Variants in SMC5 observed in about 807,000 individuals in gnomAD.
SMC5 encodes structural maintenance of chromosomes 5, also known as structural maintenance of chromosomes protein 5.
SMC5 carries 88 observed loss-of-function variants against 148.3 expected under a neutral mutation model. That is an observed-to-expected ratio of 0.59 (90% CI 0.50 to 0.71). SMC5 has a LOEUF of 0.71. Ranked by LOEUF, SMC5 falls within the 30% of genes least tolerant of loss-of-function variation. SMC5 has a pLI of 0.00. For synonymous variants in SMC5, 421 were observed against 432.8 expected, an observed-to-expected ratio of 0.97 and a Z score of 0.34; for missense variants, 1,142 against 1,298.9, an observed-to-expected ratio of 0.88 and a Z score of 1.86.
rs1344863756 is a variant in SMC5, at chr9:70,258,993, GGGGCGCCTGGGTGGATGGGCGCTT to G, written c.-74_-51del. 6.4e-4 allele frequency: 919 copies of G among 1,434,454 alleles called. 1 individual carries two copies. Among genetic ancestry groups the G allele is most frequent in the Non-Finnish European group, 7.0e-4 (753 of 1,083,172 alleles). The allele number at this position is 1,434,454 out of a possible 1,614,324, so 88.9% of individuals were successfully genotyped here. On this transcript the variant is annotated 5_prime_UTR_variant, in exon 1 of 25. The change abolishes an upstream ATG in the 5' untranslated region. Transcript: ENST00000361138. ...AGTTCGCGGCAGTTCGCGCGGGAGC[GGGGCGCCTGGGTGGATGGGCGCTT>G]GGGCGCCTGGGCTGCCGGACGGTGG...
intron 8 of SMC5, among the ~76,000 whole-genome samples, chr9:70,290,516 GA>G (rs1366951817): frequency 5.9e-5 from 9 of 152,046 alleles, no homozygotes; most frequent in East Asian, 1.9e-4. Flanking sequence ...TGGATAGGAA[GA>G]AAAAAAGTTA....
chr9:70,271,105 A>T (rs139971885), intron 3 of SMC5, among the ~76,000 whole-genome samples: 1 of 150,820 alleles, frequency 6.6e-6, no homozygotes, highest in East Asian at 1.9e-4. Flanking sequence ...CACCCCAATG[A>T]CCATTACCAT....
intron 2 of SMC5, among the ~76,000 whole-genome samples, chr9:70,264,835 T>C (rs1179051640): frequency 6.6e-6 from 1 of 152,208 alleles, no homozygotes; most frequent in Admixed American, 6.5e-5. Flanking sequence ...GTGAACATAA[T>C]AGAGAATATT....
chr9:70,263,114 T>C (rs4606121), intron 1 of SMC5, among the ~76,000 whole-genome samples: 10,486 of 152,240 alleles, frequency 0.069, 573 homozygotes, highest in East Asian at 0.22. Flanking sequence ...ACACAGAGAT[T>C]TCACAACAGG....
At chr9:70,352,070 GA>G (rs112696826) in intron 24 of SMC5, 120 bp from the exon 25 acceptor site, 181 of 904,056 alleles carry the variant, frequency 2.0e-4, no homozygotes, top group Middle Eastern at 3.6e-4. Context: ...AGCAGAGTGG[GA>G]AAAAAAAAGT....
At chr9:70,307,789 C>T (rs2035546531) in intron 11 of SMC5, among the ~76,000 whole-genome samples, 1 of 152,162 alleles carries the variant, frequency 6.6e-6, no homozygotes, top group Admixed American at 6.5e-5. Flanking sequence ...CAGACGTGAA[C>T]CACCACGCCC....
chr9:70,289,345 G>T (rs984421537), intron 8 of SMC5, among the ~76,000 whole-genome samples: 8 of 152,050 alleles, frequency 5.3e-5, no homozygotes, highest in African/African-American at 1.2e-4. Context: ...GCCTGATTTA[G>T]TGATTTTTAA....
Position 70,278,282 on chromosome 9 carries a change from A to T in SMC5, c.544-209A>T, listed in dbSNP as rs77787179. On this transcript the variant is annotated intron_variant, in intron 4 of 24. Coordinates refer to ENST00000361138, the MANE Select transcript of SMC5 (RefSeq NM_015110.4). ...GACATTTCAACCTTGAAATATTGGC[A>T]CAGAAAATTTTTAAAGATGATCAAA... is the stretch of plus-strand genomic sequence containing the variant. 3.9e-5 allele frequency among the ~76,000 whole-genome samples: 6 copies of T among 152,206 alleles called. No individual in the cohort carries two copies. The East Asian group carries it at 1.2e-3, about 29-fold the overall frequency.
intron 17 of SMC5, among the ~76,000 whole-genome samples, chr9:70,336,615 C>T (rs1426860845): frequency 6.6e-6 from 1 of 152,150 alleles, no homozygotes; most frequent in East Asian, 1.9e-4. Context: ...GGGCTTATTT[C>T]CTGGGCATGT....
chr9:70,332,611 T>TCTTCTTG (rs2036248260), intron 17 of SMC5, among the ~76,000 whole-genome samples: 1 of 151,824 alleles, frequency 6.6e-6, no homozygotes, highest in East Asian at 1.9e-4. Context: ...CTTGAAGCAT[T>TCTTCTTG]ATATGAGGCC....
chr9:70,334,183 A>C (rs73647464), intron 17 of SMC5, among the ~76,000 whole-genome samples: 3,855 of 151,340 alleles, frequency 0.025, 109 homozygotes, highest in South Asian at 0.07. Context: ...GGAAAGAGTA[A>C]TCTTTGTAAC....
chr9:70,282,962 A>G (rs542774046), intron 7 of SMC5, among the ~76,000 whole-genome samples: 14 of 152,366 alleles, frequency 9.2e-5, no homozygotes, highest in Non-Finnish European at 2.1e-4. Flanking sequence ...AGATAATAGA[A>G]TAATATTCCC....
intron 22 of SMC5, among the ~76,000 whole-genome samples, chr9:70,348,662 G>A (rs1432308670): frequency 6.6e-6 from 1 of 151,792 alleles, no homozygotes; most frequent in Non-Finnish European, 1.5e-5. Flanking sequence ...CTGCACTCCA[G>A]CCTGGGCAAC....
intron 21 of SMC5, 52 bp downstream of exon 21, chr9:70,347,769 A>G: frequency 7.9e-7 from 1 of 1,272,276 alleles, no homozygotes; most frequent in South Asian, 1.4e-5. Flanking sequence ...ATGAAATGGG[A>G]ATGTAGAATA....
At chr9:70,268,125 A>C (rs1454123529) in intron 3 of SMC5, 150 bp downstream of exon 3, 4 of 630,514 alleles carry the variant, frequency 6.3e-6, no homozygotes, top group Non-Finnish European at 1.0e-5. Flanking sequence ...CAGATAAGTA[A>C]GGGGTTTAAA....
At chr9:70,269,529 C>T (rs913625042) in intron 3 of SMC5, among the ~76,000 whole-genome samples, 1 of 151,964 alleles carries the variant, frequency 6.6e-6, no homozygotes, top group South Asian at 2.1e-4. Context: ...TGTAGTGAGC[C>T]ATGATTGTGC....
intron 10 of SMC5, among the ~76,000 whole-genome samples, 184 bp downstream of exon 10, chr9:70,300,384 T>C (rs962228779): frequency 6.6e-6 from 1 of 152,084 alleles, no homozygotes; most frequent in Non-Finnish European, 1.5e-5. Context: ...GTAATAACTG[T>C]CATAAAACCT....
At chr9:70,287,828 CTGGGGTTTTTGTTTGTTT>C (rs2034951939) in intron 8 of SMC5, among the ~76,000 whole-genome samples, 1 of 151,950 alleles carries the variant, frequency 6.6e-6, no homozygotes, top group East Asian at 1.9e-4. Context: ...CTAAGAATTT[CTGGGGTTTTTGTTTGTTT>C]TTATTTTTTA....
chr9:70,327,889 T>C (rs958894717), intron 17 of SMC5, among the ~76,000 whole-genome samples: 7 of 152,100 alleles, frequency 4.6e-5, no homozygotes, highest in African/African-American at 7.2e-5. Flanking sequence ...ACAGGCTGTA[T>C]AGGAAGCGTG....
Sources: gnomAD v4.1 joint callset for allele counts (sites outside exome capture counted in the v4.1 genomes callset) on GRCh38, gnomAD v4.1.1 for gene constraint, MANE v1.5 for transcripts, NCBI Gene and HGNC (gene_info 2026-07-23, HGNC 2026-07-21) for gene names.